The following RBM47 variants were observed in gnomAD, a reference collection of about 807,000 sequenced individuals.
RBM47 encodes RNA binding motif protein 47.
A neutral mutation model predicts 47.1 loss-of-function variants in RBM47; 21 were observed. That is an observed-to-expected ratio of 0.45 (90% CI 0.32 to 0.64). The LOEUF (loss-of-function observed/expected upper bound fraction) is 0.64, where lower values mean the gene tolerates loss of function less well. RBM47 is among the 30% of genes least tolerant of loss of function. The pLI, the probability that RBM47 is intolerant of heterozygous loss-of-function variation, is 0.05. For synonymous variants in RBM47, 375 were observed against 361.7 expected, an observed-to-expected ratio of 1.04 and a Z score of -0.42; for missense variants, 708 against 870.9, an observed-to-expected ratio of 0.81 and a Z score of 2.35.
chr4:40,431,249 A>G (rs1386824297), intron 6 of RBM47, among the ~76,000 whole-genome samples: 2 of 152,182 alleles, frequency 1.3e-5, no homozygotes, highest in African/African-American at 2.4e-5. Context: ...TATAAGGTGA[A>G]GATACAAAGA....
intron 2 of RBM47, among the ~76,000 whole-genome samples, chr4:40,471,392 G>C (rs1196932037): frequency 6.6e-6 from 1 of 151,964 alleles, no homozygotes; most frequent in East Asian, 1.9e-4. Context: ...CAGGCAAAGG[G>C]ACCGTTTAAA....
In RBM47 at chr4:40,612,297, C is replaced by T. The variant is rs376139830; in HGVS notation, c.-240+17099G>A. Reference sequence around the variant, plus strand: ...CTGTAATCCCAGCACTTTGGAAGGCCGATGTGGGCAGATCACTTGAGGTCA... The same window carrying T: ...CTGTAATCCCAGCACTTTGGAAGGCTGATGTGGGCAGATCACTTGAGGTCA... On this transcript the variant is annotated intron_variant, in intron 1 of 6. Transcript: ENST00000295971. Among the ~76,000 whole-genome samples, 190 of 152,198 alleles carry T rather than the reference C, an allele frequency of 1.2e-3. 1 individual carries two copies. The highest frequency in any genetic ancestry group is 4.2e-3 in the African/African-American group (173 of 41,536).
chr4:40,626,590 G>T (rs560807176), intron 1 of RBM47, among the ~76,000 whole-genome samples: 2 of 151,850 alleles, frequency 1.3e-5, no homozygotes, highest in Non-Finnish European at 2.9e-5. Context: ...TTCTACTTTC[G>T]CTGGAAAATG....
Position 40,438,476 on chromosome 4 carries a change from G to A in RBM47, c.418C>T (p.Arg140Cys), listed in dbSNP as rs749043363. 1.2e-6 allele frequency: 2 copies of A among 1,613,494 alleles called. No individual in the cohort carries two copies. Among genetic ancestry groups the A allele is most frequent in the Non-Finnish European group, 1.7e-6 (2 of 1,179,930 alleles). ...ELNNYEIRPGRLLGVCCSVDN... is the reference protein window; with the variant it reads ...ELNNYEIRPGCLLGVCCSVDN... ...ACGCTGCAGCACACGCCGAGCAGGC[G>A]GCCCGGGCGGATCTCGTAGTTGTTG... Residue 140 changes from arginine to cysteine, a missense_variant, in exon 4 of 7, where the codon CGC becomes TGC. Arg to Cys is a radical substitution (Grantham distance 180). Coordinates refer to ENST00000295971, the MANE Select transcript of RBM47 (RefSeq NM_001098634.2).
At chr4:40,466,497 C>G (rs1250220842) in intron 3 of RBM47, 80 bp downstream of exon 3, 2 of 151,940 alleles carry the variant, frequency 1.3e-5, no homozygotes, top group East Asian at 3.9e-4. Context: ...GTCTAAGTAG[C>G]AGGTATCTTG....
intron 2 of RBM47, among the ~76,000 whole-genome samples, chr4:40,477,546 A>G (rs1719796930): frequency 6.6e-6 from 1 of 152,226 alleles, no homozygotes; most frequent in Non-Finnish European, 1.5e-5. Context: ...AGTATATTAT[A>G]TAAGAAAAAG....
chr4:40,446,022 T>C (rs1714480395), intron 3 of RBM47, among the ~76,000 whole-genome samples: 1 of 152,270 alleles, frequency 6.6e-6, no homozygotes, highest in Non-Finnish European at 1.5e-5. Flanking sequence ...TGCAAGTCTC[T>C]AGAGTCAGAC....
chr4:40,466,246 T>G (rs1717995456), intron 3 of RBM47, among the ~76,000 whole-genome samples: 1 of 121,800 alleles, frequency 8.2e-6, no homozygotes, highest in African/African-American at 3.2e-5. Context: ...CCACCCTGGG[T>G]AACAGAGTGA....
At chr4:40,509,638 TTGGGAGGCC>T (rs1285006420) in intron 2 of RBM47, among the ~76,000 whole-genome samples, 3 of 152,074 alleles carry the variant, frequency 2.0e-5, no homozygotes, top group Non-Finnish European at 4.4e-5. Flanking sequence ...TCCCAGCACT[TTGGGAGGCC>T]AAGGCAGGTG....
intron 1 of RBM47, among the ~76,000 whole-genome samples, chr4:40,545,877 G>T (rs1728999537): frequency 6.6e-6 from 1 of 151,880 alleles, no homozygotes; most frequent in African/African-American, 2.4e-5. Context: ...TCTAATATGG[G>T]CCTAATAGTA....
At chr4:40,574,548 C>T (rs578023662) in intron 1 of RBM47, among the ~76,000 whole-genome samples, 67 of 152,270 alleles carry the variant, frequency 4.4e-4, no homozygotes, top group African/African-American at 1.6e-3. Context: ...GTCAAGGAAG[C>T]TATCAAAGTA....
intron 2 of RBM47, among the ~76,000 whole-genome samples, chr4:40,518,548 A>G (rs547377475): frequency 6.6e-6 from 1 of 152,238 alleles, no homozygotes; most frequent in South Asian, 2.1e-4. Context: ...TTAAACAGAC[A>G]GATGAGAGGA....
At chr4:40,446,882 C>T (rs1344947787) in intron 3 of RBM47, among the ~76,000 whole-genome samples, 1 of 151,998 alleles carries the variant, frequency 6.6e-6, no homozygotes, top group East Asian at 1.9e-4. Context: ...TTAAACCAGT[C>T]AGTAGAGAAG....
chr4:40,582,478 G>A (rs567537210), intron 1 of RBM47, among the ~76,000 whole-genome samples: 3 of 152,300 alleles, frequency 2.0e-5, no homozygotes, highest in East Asian at 1.9e-4. Context: ...AGGGTGCAGT[G>A]AGCCGAGATT....
chr4:40,499,380 T>C (rs1200857343), intron 2 of RBM47, among the ~76,000 whole-genome samples: 1 of 152,208 alleles, frequency 6.6e-6, no homozygotes, highest in Non-Finnish European at 1.5e-5. Flanking sequence ...AAATCTAATT[T>C]CAATTTGTTA....
At chr4:40,615,221 T>A (rs1736614732) in intron 1 of RBM47, among the ~76,000 whole-genome samples, 2 of 152,272 alleles carry the variant, frequency 1.3e-5, no homozygotes, top group East Asian at 3.9e-4. Context: ...GGTGGCTCAC[T>A]TGAGCTCAAG....
At position 40,438,801 on chromosome 4, in the gene RBM47, G is replaced by C. The variant is rs748709342; in HGVS notation, c.93C>G (p.Asn31Lys). The C allele has an allele frequency of 6.5e-7, 1 of 1,546,834 alleles. No homozygotes were observed. Among genetic ancestry groups the C allele is most frequent in the Non-Finnish European group, 8.7e-7 (1 of 1,151,142 alleles). The change falls in exon 4 of 7, where the codon AAC (asparagine) becomes AAG (lysine). Residue 31 changes from asparagine (N) to lysine (K), a missense_variant. Physicochemically the swap from Asn to Lys is moderately conservative, Grantham distance 94. Transcript: ENST00000295971. ...KVPEGVAGAP[N>K]EAALLALMER... The stretch of plus-strand genomic sequence containing the variant: ...CCATCAGCGCCAGCAGTGCTGCCTC[G>C]TTGGGCGCGCCCGCCACGCCCTCGG...
chr4:40,628,429 G>A lies in RBM47; in HGVS notation c.-240+967C>T, dbSNP rs1368632969. Reference sequence around the variant, plus strand: ...TTATCTAGAGGTTGTGTGTTACGCCGCTGACCACCTTTCACCTTTTAGAAT... The same window carrying A: ...TTATCTAGAGGTTGTGTGTTACGCCACTGACCACCTTTCACCTTTTAGAAT... On this transcript the variant is annotated intron_variant, in intron 1 of 6. Coordinates refer to ENST00000295971, the MANE Select transcript of RBM47 (RefSeq NM_001098634.2). The surrounding 1 kb of genome is among the most constrained non-coding windows in gnomAD (Gnocchi z 4.0). 6.6e-6 allele frequency among the ~76,000 whole-genome samples: 1 copy of A among 152,094 alleles called. No homozygotes were observed. Among genetic ancestry groups the A allele is most frequent in the Non-Finnish European group, 1.5e-5 (1 of 68,014 alleles).
chr4:40,573,113 A>G (rs1162498224), intron 1 of RBM47, among the ~76,000 whole-genome samples: 1 of 147,626 alleles, frequency 6.8e-6, no homozygotes, highest in Non-Finnish European at 1.5e-5. Context: ...ACATTGCGCC[A>G]TTATACTCCA....
Sources: allele counts gnomAD v4.1 joint callset (sites outside exome capture counted in the v4.1 genomes callset), GRCh38; gene constraint gnomAD v4.1.1; non-coding constraint Gnocchi (gnomAD v3.1); transcripts MANE v1.5; gene names NCBI Gene and HGNC (gene_info 2026-07-23, HGNC 2026-07-21).